ART3: variants seen among roughly 807,000 people sequenced by gnomAD.
The protein encoded by ART3 is ADP-ribosyltransferase 3 (inactive).
A neutral mutation model predicts 48.5 loss-of-function variants in ART3; 49 were observed. The ratio of observed to expected loss-of-function variants is 1.01; its 90% CI spans 0.80 to 1.28. ART3 has a LOEUF of 1.28. ART3 is among the 50% of genes most tolerant of loss of function. The probability of loss-of-function intolerance (pLI) is 0.00; values close to 1 mark genes in which losing one functional copy is unlikely to be tolerated. For synonymous variants in ART3, 145 were observed against 157.2 expected (o/e 0.92, Z 0.58); for missense variants, 438 against 454.3 (o/e 0.96, Z 0.33).
In ART3 at chr4:76,077,719, A is replaced by G. The variant is rs147669351; in HGVS notation, c.69+1761A>G. ...TTTCACTTCTCTTGGGTGTACACCT[A>G]GTAGTGGAATTGCTGGGTTGTACGG... On this transcript the variant is annotated intron_variant, in intron 2 of 11. Transcript: ENST00000355810. Among the ~76,000 whole-genome samples the G allele has an allele frequency of 8.2e-3, 1,256 of 152,296 alleles. 11 individuals carry two copies. The highest frequency in any genetic ancestry group is 0.029 in the South Asian group (142 of 4,822).
In ART3 at chr4:76,082,314, A is replaced by G. The variant is rs1259270795; in HGVS notation, c.560A>G (p.Tyr187Cys). 29 of 1,614,124 alleles carry G rather than the reference A, an allele frequency of 1.8e-5. No homozygotes were observed. Among genetic ancestry groups the G allele is most frequent in the Non-Finnish European group, 2.4e-5 (28 of 1,180,054 alleles). ...QARFGHFTLA[Y>C]SAKPQAANDQ... ...AGGTTTGGCCATTTTACCTTGGCATATTCAGCCAAACCTCAGGCTGCTAAT... is the reference window on the plus strand; with the variant it reads ...AGGTTTGGCCATTTTACCTTGGCATGTTCAGCCAAACCTCAGGCTGCTAAT... Residue 187 changes from tyrosine (Y) to cysteine (C), a missense_variant, in exon 3 of 12, where the codon TAT (tyrosine) becomes TGT (cysteine). Tyr to Cys is a radical substitution (Grantham distance 194, BLOSUM62 -2). Transcript: ENST00000355810.
chr4:76,065,609 G>A (rs1389989124), intron 1 of ART3, among the ~76,000 whole-genome samples: 2 of 149,074 alleles, frequency 1.3e-5, no homozygotes, highest in Admixed American at 6.7e-5. Flanking sequence ...GAGACTCCTT[G>A]TCCTTGATAA....
intron 2 of ART3, among the ~76,000 whole-genome samples, chr4:76,076,717 T>G (rs942866990): frequency 6.6e-6 from 1 of 152,250 alleles, no homozygotes; most frequent in Non-Finnish European, 1.5e-5. Flanking sequence ...TTTGATTACA[T>G]GTTTTTTAAT....
intron 1 of ART3, among the ~76,000 whole-genome samples, 174 bp from the exon 2 acceptor site, chr4:76,075,707 T>G (rs1030604290): frequency 1.1e-4 from 17 of 152,098 alleles, no homozygotes; most frequent in African/African-American, 3.9e-4. Flanking sequence ...ATTAGACCAC[T>G]AGATAAAGCC....
intron 1 of ART3, among the ~76,000 whole-genome samples, chr4:76,039,903 A>G (rs911678999): frequency 1.3e-5 from 2 of 152,204 alleles, no homozygotes; most frequent in African/African-American, 4.8e-5. Flanking sequence ...GTGGATCACA[A>G]TTTTCTCCTT....
intron 1 of ART3, among the ~76,000 whole-genome samples, chr4:76,068,191 T>G (rs1719931445): frequency 6.6e-6 from 1 of 152,198 alleles, no homozygotes; most frequent in Non-Finnish European, 1.5e-5. Context: ...TAAATAAAAT[T>G]CACAAATTTG....
chr4:76,071,686 CCTTT>C (rs1720332042), upstream of ART3, among the ~76,000 whole-genome samples: 1 of 152,194 alleles, frequency 6.6e-6, no homozygotes, highest in Non-Finnish European at 1.5e-5. Context: ...TTTGATCTTT[CCTTT>C]CTTTTGTAAG....
chr4:76,015,515 A>G (rs949884135), intron 1 of ART3, among the ~76,000 whole-genome samples: 7 of 152,272 alleles, frequency 4.6e-5, no homozygotes, highest in Non-Finnish European at 1.0e-4. Context: ...GAACAAAAAA[A>G]TAAGACACTT....
rs1553926422 is a variant in ART3, at chr4:76,040,446, A to ACACACACG, written c.-10+29133_-10+29134insGCACACAC. Among the ~76,000 whole-genome samples the ACACACACG allele has an allele frequency of 4.6e-3, 638 of 138,574 alleles. 7 individuals are homozygous for ACACACACG. Among genetic ancestry groups the ACACACACG allele is most frequent in the Middle Eastern group, 7.2e-3 (2 of 278 alleles). The allele number at this position is 138,574 out of a possible 152,430, so 90.9% of individuals were successfully genotyped here. On this transcript the variant is annotated intron_variant, in intron 1 of 9. Transcript: ENST00000341029. ...ACGCACATACACTGGATACACACAC[A>ACACACACG]CACACACACACACACACACACACAC...
At chr4:76,071,742 G>A (rs1267116617), upstream of ART3, among the ~76,000 whole-genome samples, 4 of 151,946 alleles carry the variant, frequency 2.6e-5, no homozygotes, top group Non-Finnish European at 5.9e-5. Context: ...TTCCACACAC[G>A]GTCTTCTCCA....
chr4:76,026,355 C>T (rs1364919986), intron 1 of ART3, among the ~76,000 whole-genome samples: 2 of 152,006 alleles, frequency 1.3e-5, no homozygotes, highest in African/African-American at 2.4e-5. Context: ...CCCAGGAGAA[C>T]AGGGAACTAA....
chr4:76,028,252 A>G (rs1421866575), intron 1 of ART3, among the ~76,000 whole-genome samples: 1 of 152,252 alleles, frequency 6.6e-6, no homozygotes, highest in Non-Finnish European at 1.5e-5. Context: ...TGCATGTGTC[A>G]TTTGAATAAA....
intron 11 of ART3, among the ~76,000 whole-genome samples, chr4:76,109,579 A>G (rs1316639533): frequency 6.6e-6 from 1 of 152,240 alleles, no homozygotes; most frequent in African/African-American, 2.4e-5. Flanking sequence ...TGTATTATAT[A>G]TAATTGTATG....
At chr4:76,050,304 A>C (rs1051179949) in intron 1 of ART3, among the ~76,000 whole-genome samples, 3 of 152,144 alleles carry the variant, frequency 2.0e-5, no homozygotes, top group African/African-American at 7.2e-5. Context: ...CAGGGCGCTG[A>C]TAGGTGGGTT....
At chr4:76,083,837 A>G (rs968014756) in intron 3 of ART3, among the ~76,000 whole-genome samples, 5 of 152,176 alleles carry the variant, frequency 3.3e-5, no homozygotes, top group Admixed American at 6.5e-5. Context: ...CCAAGGGAAT[A>G]TAGTGTGTGG....
intron 2 of ART3, among the ~76,000 whole-genome samples, chr4:76,076,850 C>T (rs1721201232): frequency 6.6e-6 from 1 of 151,422 alleles, no homozygotes; most frequent in Non-Finnish European, 1.5e-5. Flanking sequence ...GATTTTTTTT[C>T]CCCACGTTGT....
chr4:76,052,713 TCC>T (rs1560599762), intron 1 of ART3, among the ~76,000 whole-genome samples: 11 of 88,370 alleles, frequency 1.2e-4, no homozygotes, highest in East Asian at 1.1e-3. Context: ...ATTTCTTTTT[TCC>T]TTCTTTTTTT....
At chr4:76,047,845 GAGGTCAA>G (rs1264797141) in intron 1 of ART3, among the ~76,000 whole-genome samples, 1 of 151,916 alleles carries the variant, frequency 6.6e-6, no homozygotes, top group African/African-American at 2.4e-5. Context: ...CTCTCCAAGC[GAGGTCAA>G]AGGTTTGCCC....
intron 1 of ART3, among the ~76,000 whole-genome samples, chr4:76,041,666 T>C (rs1028421353): frequency 1.3e-5 from 2 of 152,216 alleles, no homozygotes; most frequent in Non-Finnish European, 2.9e-5. Context: ...TTAAATGAAA[T>C]ATTTTACCTT....
Sources: allele counts gnomAD v4.1 joint callset (sites outside exome capture counted in the v4.1 genomes callset), GRCh38; gene constraint gnomAD v4.1.1; transcripts MANE v1.5; gene names NCBI Gene and HGNC (gene_info 2026-07-23, HGNC 2026-07-21).